Variants in ERBB4 observed in about 807,000 individuals in gnomAD.
ERBB4 encodes the protein receptor tyrosine-protein kinase erbB-4.
Under a neutral mutation model 158.0 loss-of-function variants are expected in ERBB4, and 42 were observed. The observed-to-expected ratio is 0.27, with a 90% confidence interval of 0.21 to 0.34. ERBB4 has a LOEUF of 0.34. Ranked by LOEUF, ERBB4 falls within the 10% of genes least tolerant of loss-of-function variation. The pLI is 1.00. For synonymous variants in ERBB4, 583 were observed against 558.7 expected, an observed-to-expected ratio of 1.04 and a Z score of -0.61; for missense variants, 1,333 against 1,624.1, an observed-to-expected ratio of 0.82 and a Z score of 3.08.
chr2:211,763,897 T>TACACACACACACACACAC (rs58206154), intron 4 of ERBB4, among the ~76,000 whole-genome samples: 40,819 of 149,788 alleles, frequency 0.27, 5,780 homozygotes, highest in Middle Eastern at 0.34. Flanking sequence ...TGCGTGTGTA[T>TACACACACACACACACAC]ACACACACAC....
chr2:212,414,828 G>C (rs2091606338), intron 1 of ERBB4, among the ~76,000 whole-genome samples: 1 of 152,176 alleles, frequency 6.6e-6, no homozygotes, highest in Non-Finnish European at 1.5e-5. Context: ...TCTGTGACCA[G>C]ACTGGTTTGT....
chr2:211,989,309 T>G (rs2082012799), intron 2 of ERBB4, among the ~76,000 whole-genome samples: 2 of 151,958 alleles, frequency 1.3e-5, no homozygotes, highest in Admixed American at 6.6e-5. Flanking sequence ...CATTTGTTAT[T>G]TTCTCCTTCT....
At chr2:212,390,800 A>T (rs140504525) in intron 1 of ERBB4, among the ~76,000 whole-genome samples, 377 of 151,940 alleles carry the variant, frequency 2.5e-3, no homozygotes, top group Non-Finnish European at 4.0e-3. Context: ...ACTTTCAGAC[A>T]CAAGGAAGGT....
intron 5 of ERBB4, among the ~76,000 whole-genome samples, chr2:211,730,130 T>C (rs974631250): frequency 6.6e-6 from 1 of 151,964 alleles, no homozygotes; most frequent in Admixed American, 6.6e-5. Flanking sequence ...CTTAATCTTA[T>C]CAGTATCTCA....
chr2:211,441,219 TAA>T (rs1427790391), intron 20 of ERBB4, among the ~76,000 whole-genome samples: 1 of 152,166 alleles, frequency 6.6e-6, no homozygotes, highest in East Asian at 1.9e-4. Flanking sequence ...AGTTCCTGCA[TAA>T]AGACTAAGAG....
At chr2:212,189,966 ATGTC>A (rs1217388609) in intron 1 of ERBB4, among the ~76,000 whole-genome samples, 1 of 152,210 alleles carries the variant, frequency 6.6e-6, no homozygotes, top group African/African-American at 2.4e-5. Flanking sequence ...ATATTGGAAT[ATGTC>A]TTTGTAAGGT....
At chr2:212,018,370 G>A (rs1279614736) in intron 2 of ERBB4, among the ~76,000 whole-genome samples, 3 of 152,082 alleles carry the variant, frequency 2.0e-5, no homozygotes, top group East Asian at 1.9e-4. Flanking sequence ...GTATTCCTGG[G>A]GGATATGACA....
chr2:212,179,568 A>G (rs1464834941), intron 1 of ERBB4, among the ~76,000 whole-genome samples: 1 of 151,596 alleles, frequency 6.6e-6, no homozygotes, highest in African/African-American at 2.4e-5. Context: ...GGGTGTGAGA[A>G]TTAGAGATCA....
At chr2:211,500,676 T>A (rs559487882) in intron 20 of ERBB4, among the ~76,000 whole-genome samples, 1 of 152,200 alleles carries the variant, frequency 6.6e-6, no homozygotes, top group Non-Finnish European at 1.5e-5. Flanking sequence ...AAAGATCTTT[T>A]TTCTTTTAAT....
intron 1 of ERBB4, among the ~76,000 whole-genome samples, chr2:212,391,893 G>A (rs1408713576): frequency 6.7e-6 from 1 of 149,536 alleles, no homozygotes; most frequent in Non-Finnish European, 1.5e-5. Flanking sequence ...TTCACAGTCA[G>A]AAACAAGACT....
At chr2:211,650,322 A>T (rs1222933251) in intron 16 of ERBB4, among the ~76,000 whole-genome samples, 1 of 152,106 alleles carries the variant, frequency 6.6e-6, no homozygotes, top group African/African-American at 2.4e-5. Context: ...TGGGCTATAA[A>T]ACAAATTTAA....
intron 3 of ERBB4, among the ~76,000 whole-genome samples, chr2:211,802,123 G>A (rs2076511962): frequency 6.6e-6 from 1 of 152,146 alleles, no homozygotes; most frequent in South Asian, 2.1e-4. Flanking sequence ...GCCGGGTGCG[G>A]TGGCGGGCAC....
chr2:211,935,930 T>A (rs1437458506), intron 3 of ERBB4, among the ~76,000 whole-genome samples: 6 of 152,150 alleles, frequency 3.9e-5, no homozygotes, highest in African/African-American at 1.4e-4. Context: ...AGTATCTCTA[T>A]CCTGGGCTGT....
At chr2:212,224,093 T>C (rs1033738196) in intron 1 of ERBB4, among the ~76,000 whole-genome samples, 1 of 151,980 alleles carries the variant, frequency 6.6e-6, no homozygotes, top group African/African-American at 2.4e-5. Context: ...CTTTAAATGA[T>C]ATAATCAATC....
chr2:212,532,099 ATTT>A (rs540579235), intron 1 of ERBB4, among the ~76,000 whole-genome samples: 2 of 151,996 alleles, frequency 1.3e-5, no homozygotes, highest in Non-Finnish European at 2.9e-5. Context: ...TTGTTTCCTT[ATTT>A]TTTTATGTGT....
intron 2 of ERBB4, among the ~76,000 whole-genome samples, chr2:212,039,278 T>C (rs1049317675): frequency 6.6e-6 from 1 of 152,176 alleles, no homozygotes; most frequent in Non-Finnish European, 1.5e-5. Context: ...AATGATTGTA[T>C]ACTTTCTGCT....
chr2:212,254,855 A>C (rs2084668153), intron 1 of ERBB4, among the ~76,000 whole-genome samples: 1 of 152,184 alleles, frequency 6.6e-6, no homozygotes, highest in Admixed American at 6.6e-5. Flanking sequence ...TTACAGTTTA[A>C]GATTTAAATA....
chr2:212,262,337 C>T (rs1042621209), intron 1 of ERBB4, among the ~76,000 whole-genome samples: 5 of 152,090 alleles, frequency 3.3e-5, no homozygotes, highest in African/African-American at 1.2e-4. Context: ...TGACTCCACG[C>T]ATTGCAAGCC....
intron 16 of ERBB4, among the ~76,000 whole-genome samples, chr2:211,648,169 AT>A (rs2070847354): frequency 6.6e-6 from 1 of 151,836 alleles, no homozygotes; most frequent in Non-Finnish European, 1.5e-5. Context: ...CCTTAACAGA[AT>A]TTTTTATTTT....
Sources: gnomAD v4.1 joint callset for allele counts (sites outside exome capture counted in the v4.1 genomes callset) on GRCh38, gnomAD v4.1.1 for gene constraint, MANE v1.5 for transcripts, NCBI Gene and HGNC (gene_info 2026-07-23, HGNC 2026-07-21) for gene names.